Variants in TRPM3 observed in about 807,000 individuals in gnomAD.
TRPM3 encodes the protein long transient receptor potential channel 3.
Under a neutral mutation model 181.2 loss-of-function variants are expected in TRPM3, and 77 were observed. The ratio of observed to expected loss-of-function variants is 0.42; its 90% confidence interval spans 0.35 to 0.51. The LOEUF (loss-of-function observed/expected upper bound fraction) is 0.51, where lower values mean the gene tolerates loss of function less well. Ranked by LOEUF, TRPM3 falls within the 20% of genes least tolerant of loss-of-function variation. The pLI is 0.01. For synonymous variants in TRPM3, 745 were observed against 796.4 expected, an observed-to-expected ratio of 0.94 and a Z score of 1.09; for missense variants, 1,759 against 2,196.7, an observed-to-expected ratio of 0.80 and a Z score of 3.98.
At position 71,032,918 on chromosome 9, in the gene TRPM3, C is replaced by G. The variant is rs1284037632; in HGVS notation, c.177+88260G>C. Reference sequence around the variant, plus strand: ...TTATTTCCTGGACTCCATTTAGCTACCTACCTATTCATCATAGCTCCATTT... The same window carrying G: ...TTATTTCCTGGACTCCATTTAGCTAGCTACCTATTCATCATAGCTCCATTT... On this transcript the variant is annotated intron_variant, in intron 1 of 25. Coordinates refer to ENST00000677713, the MANE Select transcript of TRPM3 (RefSeq NM_001366145.2). Among the ~76,000 whole-genome samples the G allele has an allele frequency of 2.0e-5, 3 of 152,180 alleles. No homozygotes were observed. In the East Asian group the frequency reaches 5.8e-4, roughly 29 times the overall value.
At chr9:70,637,944 C>T (rs965950724) in intron 11 of TRPM3, among the ~76,000 whole-genome samples, 4 of 152,198 alleles carry the variant, frequency 2.6e-5, no homozygotes, top group South Asian at 2.1e-4. Context: ...GGGCCTTTAA[C>T]GTGTATACCT....
chr9:70,821,852 C>G (rs1003976237), intron 6 of TRPM3, among the ~76,000 whole-genome samples: 9 of 152,152 alleles, frequency 5.9e-5, no homozygotes, highest in Non-Finnish European at 1.0e-4. Flanking sequence ...AGATTGATGC[C>G]TATTCTACCA....
chr9:70,673,949 C>CAAAAAAAAAAAAAAAAAAAA, intron 9 of TRPM3, among the ~76,000 whole-genome samples: 1 of 89,646 alleles, frequency 1.1e-5, no homozygotes, highest in Non-Finnish European at 2.0e-5. Context: ...AACTCCATCT[C>CAAAAAAAAAAAAAAAAAAAA]AAAAAAAAAA....
intron 1 of TRPM3, among the ~76,000 whole-genome samples, chr9:70,922,414 G>C (rs2096666864): frequency 6.6e-6 from 1 of 152,096 alleles, no homozygotes; most frequent in Admixed American, 6.5e-5. Flanking sequence ...TGCATATTCT[G>C]TAAATATCCT....
intron 1 of TRPM3, among the ~76,000 whole-genome samples, chr9:70,958,213 G>A (rs1440361232): frequency 3.9e-5 from 6 of 152,038 alleles, no homozygotes; most frequent in African/African-American, 1.4e-4. Context: ...GTTTCAAAAG[G>A]GTAGGCTATT....
intron 1 of TRPM3, among the ~76,000 whole-genome samples, chr9:71,146,782 GC>G (rs1474907668): frequency 2.0e-5 from 3 of 152,128 alleles, no homozygotes; most frequent in African/African-American, 7.2e-5. Flanking sequence ...GCAGCTGGTA[GC>G]TTTTCATAAT....
chr9:71,239,512 G>C (rs1001408313), intron 1 of TRPM3, among the ~76,000 whole-genome samples: 1 of 151,982 alleles, frequency 6.6e-6, no homozygotes, highest in African/African-American at 2.4e-5. Flanking sequence ...AATCATTAAA[G>C]AATATTTTGA....
At chr9:71,200,787 A>G (rs988722835) in intron 1 of TRPM3, among the ~76,000 whole-genome samples, 1 of 151,732 alleles carries the variant, frequency 6.6e-6, no homozygotes, top group Non-Finnish European at 1.5e-5. Flanking sequence ...GAGATGGGTT[A>G]CCTGAATACA....
intron 1 of TRPM3, among the ~76,000 whole-genome samples, chr9:70,973,153 ACC>A (rs2097263428): frequency 2.0e-5 from 3 of 152,184 alleles, no homozygotes; most frequent in Admixed American, 1.3e-4. Flanking sequence ...TTTAATGCTT[ACC>A]ATGTACAATC....
chr9:71,087,598 A>C (rs1323716151), intron 1 of TRPM3, among the ~76,000 whole-genome samples: 1 of 152,036 alleles, frequency 6.6e-6, no homozygotes, highest in Non-Finnish European at 1.5e-5. Context: ...TGGGCCCTCA[A>C]TATATTTGTA....
At chr9:70,912,464 TA>T (rs1308865690) in intron 1 of TRPM3, among the ~76,000 whole-genome samples, 7 of 152,196 alleles carry the variant, frequency 4.6e-5, no homozygotes, top group African/African-American at 1.7e-4. Flanking sequence ...ATGGACTTGT[TA>T]AAGTGAGGTA....
chr9:70,786,548 T>C (rs1474293020), intron 6 of TRPM3, among the ~76,000 whole-genome samples: 2 of 152,156 alleles, frequency 1.3e-5, no homozygotes, highest in Non-Finnish European at 2.9e-5. Context: ...ACAACATTTC[T>C]CTTTGGGAGG....
At chr9:71,077,901 T>A (rs1461886964) in intron 1 of TRPM3, among the ~76,000 whole-genome samples, 1 of 150,406 alleles carries the variant, frequency 6.6e-6, no homozygotes. Context: ...ATCATTTGTT[T>A]TTGTCTTTTT....
intron 9 of TRPM3, among the ~76,000 whole-genome samples, chr9:70,668,672 GAAAAAAAAAAA>G (rs57929544): frequency 1.3e-3 from 109 of 86,522 alleles, no homozygotes; most frequent in Non-Finnish European, 1.8e-3. Context: ...CTCAAAAAAA[GAAAAAAAAAAA>G]AAAAAAAAAA....
chr9:70,937,096 G>A (rs2096835751), intron 1 of TRPM3, among the ~76,000 whole-genome samples: 1 of 152,108 alleles, frequency 6.6e-6, no homozygotes, highest in South Asian at 2.1e-4. Flanking sequence ...ACCTTGTTTT[G>A]TTATGCATTT....
At chr9:70,597,914 A>T (rs1381939161) in intron 21 of TRPM3, among the ~76,000 whole-genome samples, 2 of 143,332 alleles carry the variant, frequency 1.4e-5, no homozygotes, top group Non-Finnish European at 3.1e-5. Context: ...AACTTTATTT[A>T]AAAATACAGG....
intron 1 of TRPM3, among the ~76,000 whole-genome samples, chr9:71,276,361 G>A (rs1374148323): frequency 6.6e-6 from 1 of 152,048 alleles, no homozygotes; most frequent in Non-Finnish European, 1.5e-5. Context: ...GGGAAAGATT[G>A]TATCAAAAAC....
At chr9:71,250,463 A>AATGGGC (rs2082279967) in intron 1 of TRPM3, among the ~76,000 whole-genome samples, 1 of 152,154 alleles carries the variant, frequency 6.6e-6, no homozygotes, top group African/African-American at 2.4e-5. Flanking sequence ...TGGTGAGCAA[A>AATGGGC]ATGGGCATAC....
chr9:70,974,978 C>T (rs1673084229), intron 1 of TRPM3, among the ~76,000 whole-genome samples: 1 of 149,452 alleles, frequency 6.7e-6, no homozygotes. Flanking sequence ...AGCCATCCTC[C>T]TTCCTCAGTC....
Sources: allele counts gnomAD v4.1 joint callset (sites outside exome capture counted in the v4.1 genomes callset), GRCh38; gene constraint gnomAD v4.1.1; transcripts MANE v1.5; gene names NCBI Gene and HGNC (gene_info 2026-07-23, HGNC 2026-07-21).